KLF12: variants seen among roughly 807,000 people sequenced by gnomAD.
KLF12 encodes the protein KLF transcription factor 12.
In KLF12, 9 loss-of-function variants were observed where a neutral mutation model predicts 37.8. The ratio of observed to expected loss-of-function variants is 0.24; its 90% CI spans 0.14 to 0.42. The LOEUF is 0.42. Among genes scored for constraint, KLF12 ranks in the 10% least tolerant of loss-of-function variants. The pLI is 1.00. For synonymous variants in KLF12, 208 were observed against 202.1 expected (o/e 1.03, Z -0.25); for missense variants, 411 against 516.0 (o/e 0.80, Z 1.97).
At chr13:74,131,266 A>G (rs1023747518) in intron 1 of KLF12, among the ~76,000 whole-genome samples, 2 of 152,238 alleles carry the variant, frequency 1.3e-5, no homozygotes, top group Non-Finnish European at 2.9e-5. Flanking sequence ...CAGGGAAAAT[A>G]TCCCTGAGCA....
chr13:73,798,209 C>T (rs1040176323), intron 5 of KLF12, among the ~76,000 whole-genome samples: 8 of 152,120 alleles, frequency 5.3e-5, no homozygotes, highest in Non-Finnish European at 8.8e-5. Context: ...GGAAAACTGG[C>T]CAGCCATATG....
At chr13:73,753,042 A>G (rs540603868) in intron 6 of KLF12, among the ~76,000 whole-genome samples, 22 of 151,934 alleles carry the variant, frequency 1.4e-4, no homozygotes, top group Admixed American at 7.9e-4. Flanking sequence ...GTGAGCCACC[A>G]TGCCCAGCCT....
At position 73,993,845 on chromosome 13, in the gene KLF12, C is replaced by T. The variant is rs1375277921; in HGVS notation, c.33+1145G>A. ...ACACCACAGGAATTGACAAACACTA[C>T]AATCAGGCCTCTCCTCTCCCCTCCT... On this transcript the variant is annotated intron_variant, in intron 2 of 7. Transcript: ENST00000377669. Among the ~76,000 whole-genome samples, 3 of 151,566 alleles carry T rather than the reference C, an allele frequency of 2.0e-5. No homozygotes were observed. The East Asian group carries it at 5.9e-4, about 30-fold the overall frequency.
At chr13:74,159,023 C>T in the KLF12 span, among the ~76,000 whole-genome samples, 2 of 152,162 alleles carry the variant, frequency 1.3e-5, no homozygotes, top group Admixed American at 6.5e-5. Flanking sequence ...AATCATCTAC[C>T]CCACTTCTCT....
intron 3 of KLF12, among the ~76,000 whole-genome samples, chr13:73,898,606 T>C (rs1378631561): frequency 2.0e-5 from 3 of 152,194 alleles, no homozygotes; most frequent in Non-Finnish European, 2.9e-5. Flanking sequence ...TGGAGTCATG[T>C]GTCCTCTGTC....
At chr13:73,997,819 G>C (rs1892163566) in intron 1 of KLF12, among the ~76,000 whole-genome samples, 2 of 152,252 alleles carry the variant, frequency 1.3e-5, no homozygotes, top group African/African-American at 4.8e-5. Context: ...AAAAGCAAAG[G>C]ATTGGTCGCT....
chr13:74,240,931 TC>T, the KLF12 span, among the ~76,000 whole-genome samples: 1 of 150,970 alleles, frequency 6.6e-6, no homozygotes, highest in Non-Finnish European at 1.5e-5. Flanking sequence ...TCTGAAGCCT[TC>T]TTCTCTCAGC....
intron 3 of KLF12, among the ~76,000 whole-genome samples, chr13:73,911,080 A>G (rs948755335): frequency 1.1e-4 from 16 of 151,836 alleles, no homozygotes; most frequent in Admixed American, 3.9e-4. Context: ...AAGCAACAAA[A>G]AACAGACTAA....
At chr13:73,930,470 G>T (rs1889612468) in intron 3 of KLF12, among the ~76,000 whole-genome samples, 1 of 152,068 alleles carries the variant, frequency 6.6e-6, no homozygotes, top group Non-Finnish European at 1.5e-5. Context: ...AACTAGAAAA[G>T]TTTTTTATTC....
intron 5 of KLF12, among the ~76,000 whole-genome samples, chr13:73,803,629 G>A (rs1001265200): frequency 1.3e-5 from 2 of 151,888 alleles, no homozygotes; most frequent in Non-Finnish European, 2.9e-5. Flanking sequence ...TAAGCACCAC[G>A]AGATCAGTGA....
At chr13:73,858,008 A>G (rs1042087361) in intron 3 of KLF12, among the ~76,000 whole-genome samples, 1 of 152,216 alleles carries the variant, frequency 6.6e-6, no homozygotes, top group Non-Finnish European at 1.5e-5. Flanking sequence ...ACATGAAAAT[A>G]ATACATGGAA....
chr13:74,190,567 T>C, the KLF12 span, among the ~76,000 whole-genome samples: 1 of 152,244 alleles, frequency 6.6e-6, no homozygotes, highest in Non-Finnish European at 1.5e-5. Flanking sequence ...TTAATTTTTA[T>C]GTAGTGAATA....
the KLF12 span, among the ~76,000 whole-genome samples, chr13:74,186,168 C>T: frequency 1.3e-5 from 2 of 152,142 alleles, no homozygotes; most frequent in South Asian, 4.2e-4. Flanking sequence ...AAATACAATC[C>T]TAAGGATCAT....
Position 73,901,602 on chromosome 13 carries a change from A to T in KLF12, c.123+42379T>A, listed in dbSNP as rs576916604. Among the ~76,000 whole-genome samples the T allele has an allele frequency of 1.1e-4, 17 of 152,034 alleles. No individual in the cohort carries two copies. In the South Asian group the frequency reaches 3.3e-3, roughly 30 times the overall value. Reference sequence around the variant, plus strand: ...CTAAAAAAAAAAATCCCCAAAATGGAGCACACAAATCTTCCTGGTGACAGC... The same window carrying T: ...CTAAAAAAAAAAATCCCCAAAATGGTGCACACAAATCTTCCTGGTGACAGC... On this transcript the variant is annotated intron_variant, in intron 3 of 7. Transcript: ENST00000377669.
intron 7 of KLF12, among the ~76,000 whole-genome samples, chr13:73,701,084 A>C (rs151318157): frequency 7.2e-4 from 109 of 152,282 alleles, no homozygotes; most frequent in African/African-American, 2.6e-3. Context: ...AGAAAGCTAA[A>C]TATAATTTTT....
chr13:73,917,478 T>C (rs951635677), intron 3 of KLF12, among the ~76,000 whole-genome samples: 2 of 152,238 alleles, frequency 1.3e-5, no homozygotes, highest in African/African-American at 4.8e-5. Context: ...ATACTGCTTA[T>C]GACATACATA....
chr13:74,123,768 T>C (rs573900486), intron 1 of KLF12, among the ~76,000 whole-genome samples: 1 of 152,302 alleles, frequency 6.6e-6, no homozygotes, highest in South Asian at 2.1e-4. Context: ...ACTTGCAAAG[T>C]TTTTACTTAT....
intron 4 of KLF12, among the ~76,000 whole-genome samples, chr13:73,830,941 A>C (rs1266006400): frequency 6.6e-6 from 1 of 151,944 alleles, no homozygotes; most frequent in Non-Finnish European, 1.5e-5. Flanking sequence ...TACATGATAC[A>C]GTACTATAAT....
At chr13:74,264,936 C>A in the KLF12 span, among the ~76,000 whole-genome samples, 2 of 151,616 alleles carry the variant, frequency 1.3e-5, no homozygotes, top group Non-Finnish European at 2.9e-5. Flanking sequence ...AGAGGGCAAG[C>A]TACTTTTAAT....
Sources: allele counts gnomAD v4.1 joint callset (sites outside exome capture counted in the v4.1 genomes callset), GRCh38; gene constraint gnomAD v4.1.1; transcripts MANE v1.5; gene names NCBI Gene and HGNC (gene_info 2026-07-23, HGNC 2026-07-21).